LRRC37A3: variants seen among roughly 807,000 people sequenced by gnomAD.
LRRC37A3 encodes the protein leucine-rich repeat-containing protein 37A3.
Under a neutral mutation model 106.2 loss-of-function variants are expected in LRRC37A3, and 25 were observed. The observed-to-expected ratio is 0.24, with a 90% CI of 0.17 to 0.33. The LOEUF (loss-of-function observed/expected upper bound fraction) is 0.33. Ranked by LOEUF, LRRC37A3 falls within the 10% of genes least tolerant of loss-of-function variation. The pLI is 1.00. For synonymous variants in LRRC37A3, 305 were observed against 635.8 expected (o/e 0.48, Z 7.83); for missense variants, 712 against 1,644.9 (o/e 0.43, Z 9.81).
At chr17:64,855,918 T>G in intron 13 of LRRC37A3, 29 bp from the exon 14 acceptor site, 1 of 1,611,646 alleles carries the variant, frequency 6.2e-7, no homozygotes, top group Non-Finnish European at 8.5e-7. Context: ...CAATTAAGAT[T>G]ATCTATGACA....
At chr17:64,866,649 T>TTTA (rs1973119319) in intron 10 of LRRC37A3, among the ~76,000 whole-genome samples, 1 of 100,568 alleles carries the variant, frequency 9.9e-6, no homozygotes, top group Non-Finnish European at 2.0e-5. Flanking sequence ...TTTTTTTTTT[T>TTTA]AGACAGGGTC....
At chr17:64,918,245 T>C (rs879084146) in intron 2 of LRRC37A3, among the ~76,000 whole-genome samples, 1 of 151,090 alleles carries the variant, frequency 6.6e-6, no homozygotes, top group African/African-American at 2.4e-5. Flanking sequence ...ACTCAACACA[T>C]TAAAGGTCTC....
chr17:64,859,811 C>T lies in LRRC37A3; in HGVS notation c.4335G>A (p.Trp1445Ter), dbSNP rs1210408691. Residue 1445 changes from tryptophan (W) to a stop codon, truncating the protein, a stop_gained, in exon 12 of 15, where the codon TGG (tryptophan) becomes TGA (stop). Coordinates refer to ENST00000584306, the MANE Select transcript of LRRC37A3 (RefSeq NM_199340.5). LOFTEE classifies it high-confidence loss of function. The stretch of plus-strand genomic sequence containing the variant: ...GGTCAGTGCCCACGTTGTTGTATTC[C>T]CATTTTGTCTCAGTTTGTTTAACAG... ...GPTVKQTETK[W>*]EYNNVGTDLS... The T allele has an allele frequency of 6.2e-7, 1 of 1,611,892 alleles. No individual in the cohort carries two copies. Among genetic ancestry groups the T allele is most frequent in the African/African-American group, 1.3e-5 (1 of 74,696 alleles).
rs1248508810 is a variant in LRRC37A3, at chr17:64,860,584, T to C, written c.3562A>G (p.Arg1188Gly). 2.5e-6 allele frequency: 4 copies of C among 1,613,596 alleles called. No individual in the cohort carries two copies. The highest frequency in any genetic ancestry group is 3.4e-6 in the Non-Finnish European group (4 of 1,179,872). The change falls in exon 12 of 15, where the codon AGG becomes GGG. Residue 1188 changes from arginine (R) to glycine (G), a missense_variant. Physicochemically the swap from Arg to Gly is moderately radical, Grantham distance 125 (BLOSUM62 -2). Coordinates refer to ENST00000584306, the MANE Select transcript of LRRC37A3 (RefSeq NM_199340.5). Reference protein sequence around the residue: ...HFKEVGRQSIRREQGAQASVE... With the variant: ...HFKEVGRQSIGREQGAQASVE... ...GATGCCTGGGCACCCTGTTCCCTCC[T>C]GATGCTCTGCCTTCCTACCTCTTTG...
intron 11 of LRRC37A3, 67 bp from the exon 12 acceptor site, chr17:64,861,040 T>C: frequency 6.2e-7 from 1 of 1,609,902 alleles, no homozygotes; most frequent in Non-Finnish European, 8.5e-7. Flanking sequence ...AGTCCATAGC[T>C]GTACACTCCA....
At chr17:64,854,785 A>G (rs1476194029) in intron 14 of LRRC37A3, 141 bp from the exon 15 acceptor site, 8 of 1,611,608 alleles carry the variant, frequency 5.0e-6, no homozygotes, top group Non-Finnish European at 6.8e-6. Flanking sequence ...TCCTCATTAG[A>G]TGACTTCTTG....
intron 8 of LRRC37A3, chr17:64,881,068 G>A (rs955488347): frequency 3.4e-5 from 24 of 700,238 alleles, no homozygotes; most frequent in Non-Finnish European, 4.9e-5. Flanking sequence ...CAATATGCGC[G>A]ATGTACTTGG....
chr17:64,870,431 A>G (rs1973274454), intron 8 of LRRC37A3, among the ~76,000 whole-genome samples: 1 of 152,200 alleles, frequency 6.6e-6, no homozygotes, highest in South Asian at 2.1e-4. Flanking sequence ...GTGAACAAGA[A>G]AAATAAAAGA....
chr17:64,884,347 G>T (rs567118531), intron 8 of LRRC37A3, among the ~76,000 whole-genome samples: 2,543 of 150,758 alleles, frequency 0.017, 55 homozygotes, highest in African/African-American at 0.051. Context: ...TGACGATGAT[G>T]ATTATTATTA....
At chr17:64,916,362 G>A (rs1473849415) in intron 2 of LRRC37A3, among the ~76,000 whole-genome samples, 2 of 152,164 alleles carry the variant, frequency 1.3e-5, no homozygotes, top group African/African-American at 4.8e-5. Context: ...TCAAGATCGC[G>A]CCACTGCACT....
At chr17:64,881,663 G>A (rs1394926189) in intron 8 of LRRC37A3, among the ~76,000 whole-genome samples, 2 of 143,860 alleles carry the variant, frequency 1.4e-5, no homozygotes, top group South Asian at 4.5e-4. Flanking sequence ...TTTGAATTCT[G>A]GCTCTGTCAC....
chr17:64,866,702 C>G (rs1297029234), intron 10 of LRRC37A3, among the ~76,000 whole-genome samples: 2 of 124,720 alleles, frequency 1.6e-5, no homozygotes, highest in Non-Finnish European at 3.2e-5. Context: ...GCCATCTTGG[C>G]TCACTGCAAC....
intron 2 of LRRC37A3, among the ~76,000 whole-genome samples, chr17:64,917,490 A>G (rs1318869890): frequency 6.6e-6 from 1 of 152,106 alleles, no homozygotes; most frequent in Non-Finnish European, 1.5e-5. Flanking sequence ...AGCTTTATTC[A>G]TAGGTGCCAC....
At chr17:64,913,441 A>G (rs1974634856) in intron 2 of LRRC37A3, among the ~76,000 whole-genome samples, 1 of 151,914 alleles carries the variant, frequency 6.6e-6, no homozygotes, top group South Asian at 2.1e-4. Context: ...CCCGGATTCA[A>G]GTGATTATCT....
At position 64,860,890 on chromosome 17, in the gene LRRC37A3, T is replaced by C; in HGVS notation, c.3256A>G (p.Ile1086Val). Reference protein sequence around the residue: ...ARKNYTSTELIIEPEEPSDSS... With the variant: ...ARKNYTSTELVIEPEEPSDSS... ...TCTGAGGGCTCCTCCGGCTCAATAA[T>C]CAGCTCAGTGCTTGTGTAATTCTTC... The change falls in exon 12 of 15, where the codon ATT becomes GTT. Residue 1086 changes from isoleucine (I) to valine (V), a missense_variant. Physicochemically the swap from Ile to Val is conservative, Grantham distance 29. Coordinates refer to ENST00000584306, the MANE Select transcript of LRRC37A3 (RefSeq NM_199340.5). The C allele has an allele frequency of 6.2e-7, 1 of 1,614,188 alleles. No homozygotes were observed. Among genetic ancestry groups the C allele is most frequent in the Non-Finnish European group, 8.5e-7 (1 of 1,180,024 alleles).
At chr17:64,879,791 ACAG>A (rs1973634599) in intron 8 of LRRC37A3, among the ~76,000 whole-genome samples, 1 of 152,138 alleles carries the variant, frequency 6.6e-6, no homozygotes, top group African/African-American at 2.4e-5. Context: ...TAGGCTGGGC[ACAG>A]CATCTCAAGC....
chr17:64,913,334 TGG>T (rs1974631628), intron 2 of LRRC37A3, among the ~76,000 whole-genome samples: 4 of 127,456 alleles, frequency 3.1e-5, no homozygotes, highest in Non-Finnish European at 5.2e-5. Flanking sequence ...TGGCCTATTT[TGG>T]GTTTTTTTTT....
intron 10 of LRRC37A3, among the ~76,000 whole-genome samples, chr17:64,866,589 CATATATATATATATATATATATAT>C (rs1212670512): frequency 4.1e-5 from 1 of 24,126 alleles, no homozygotes; most frequent in East Asian, 2.4e-3. Context: ...TATACACGTA[CATATATATATATATATATATATAT>C]ATATATATAT....
intron 4 of LRRC37A3, among the ~76,000 whole-genome samples, chr17:64,893,900 C>G (rs1350722053): frequency 1.3e-5 from 2 of 148,800 alleles, no homozygotes; most frequent in Middle Eastern, 3.2e-3. Flanking sequence ...GATCCGCCCG[C>G]CTCGGCCTCC....
Sources: allele counts gnomAD v4.1 joint callset (sites outside exome capture counted in the v4.1 genomes callset), GRCh38; gene constraint gnomAD v4.1.1; transcripts MANE v1.5; gene names NCBI Gene and HGNC (gene_info 2026-07-23, HGNC 2026-07-21).